NEGR1: variants seen among roughly 807,000 people sequenced by gnomAD.
The protein encoded by NEGR1 is IgLON family member 4.
In NEGR1, 10 loss-of-function variants were observed where a neutral mutation model predicts 40.9. That is an observed-to-expected ratio of 0.24 (90% CI 0.15 to 0.42). The LOEUF (loss-of-function observed/expected upper bound fraction) is 0.42, where lower values mean the gene tolerates loss of function less well. Ranked by LOEUF, NEGR1 falls within the 10% of genes least tolerant of loss-of-function variation. The pLI is 1.00. For missense variants in NEGR1, 352 were observed against 438.9 expected (o/e 0.80, Z 1.77); for synonymous variants, 185 against 166.8 (o/e 1.11, Z -0.84).
chr1:72,081,775 C>A (rs1370331084), intron 1 of NEGR1, among the ~76,000 whole-genome samples: 1 of 152,038 alleles, frequency 6.6e-6, no homozygotes, highest in Admixed American at 6.6e-5. Context: ...CTAAAAGCAG[C>A]TCGCTTGATT....
intron 1 of NEGR1, among the ~76,000 whole-genome samples, chr1:72,064,226 C>A (rs1406781179): frequency 6.6e-6 from 1 of 151,858 alleles, no homozygotes; most frequent in Non-Finnish European, 1.5e-5. Context: ...AATCATATTG[C>A]CTTTCCAGTC....
intron 1 of NEGR1, among the ~76,000 whole-genome samples, chr1:72,159,943 A>G (rs1315376431): frequency 1.3e-5 from 2 of 152,160 alleles, no homozygotes; most frequent in Non-Finnish European, 2.9e-5. Context: ...TGACTCTTTG[A>G]TACAAAAATA....
At chr1:71,561,609 A>C (rs1227677002) in intron 6 of NEGR1, among the ~76,000 whole-genome samples, 1 of 151,732 alleles carries the variant, frequency 6.6e-6, no homozygotes, top group African/African-American at 2.4e-5. Flanking sequence ...TAGTCATCTG[A>C]AATAGAAATG....
chr1:71,486,626 A>C (rs2101378943), intron 6 of NEGR1: 1 of 151,614 alleles, frequency 6.6e-6, no homozygotes, highest in South Asian at 2.1e-4. Context: ...TACTGTTAGA[A>C]AGTTGATTCT....
chr1:71,631,111 G>C (rs1383096489), intron 4 of NEGR1, among the ~76,000 whole-genome samples: 3 of 151,868 alleles, frequency 2.0e-5, no homozygotes, highest in African/African-American at 7.2e-5. Flanking sequence ...AAATATTTGT[G>C]TGGGAATTAA....
chr1:71,971,922 T>C (rs1646260019), intron 1 of NEGR1, among the ~76,000 whole-genome samples: 1 of 152,238 alleles, frequency 6.6e-6, no homozygotes, highest in South Asian at 2.1e-4. Flanking sequence ...GTTGGCTCTA[T>C]ATTCTTAATT....
At chr1:72,109,509 A>T (rs1226469807) in intron 1 of NEGR1, among the ~76,000 whole-genome samples, 4 of 151,656 alleles carry the variant, frequency 2.6e-5, no homozygotes, top group South Asian at 2.1e-4. Flanking sequence ...AACTGATTCT[A>T]TGGTATCTTT....
intron 1 of NEGR1, among the ~76,000 whole-genome samples, chr1:71,965,233 G>C (rs1055354719): frequency 6.6e-6 from 1 of 152,062 alleles, no homozygotes; most frequent in Non-Finnish European, 1.5e-5. Context: ...ATAAAGGTAG[G>C]ACCAAGGCAC....
chr1:72,009,425 GCA>G lies in NEGR1; in HGVS notation c.177-74116_177-74115del, dbSNP rs139496294. ...TTGATTTCATTTAAATCCAAAATTA[GCA>G]CAGTTTCCCCCAACTTGTGTTTTTC... On this transcript the variant is annotated intron_variant, in intron 1 of 6. Coordinates refer to ENST00000357731, the MANE Select transcript of NEGR1 (RefSeq NM_173808.3). Among the ~76,000 whole-genome samples the G allele has an allele frequency of 7.0e-4, 107 of 152,090 alleles. 1 individual carries two copies. In the East Asian group the frequency reaches 0.017, roughly 25 times the overall value.
At chr1:71,776,611 C>G (rs1215955147) in intron 2 of NEGR1, among the ~76,000 whole-genome samples, 2 of 152,060 alleles carry the variant, frequency 1.3e-5, no homozygotes, top group Non-Finnish European at 2.9e-5. Flanking sequence ...TATAATCAAT[C>G]TATTTTATCC....
chr1:72,242,608 CATGAT>C, intron 1 of NEGR1, among the ~76,000 whole-genome samples: 2 of 151,674 alleles, frequency 1.3e-5, no homozygotes, highest in Middle Eastern at 6.8e-3. Context: ...ATAATTTACT[CATGAT>C]ATTATATATA....
intron 2 of NEGR1, among the ~76,000 whole-genome samples, chr1:71,895,822 A>C (rs1660955440): frequency 6.6e-6 from 1 of 152,102 alleles, no homozygotes; most frequent in Non-Finnish European, 1.5e-5. Context: ...TAGAAGTGAA[A>C]CTGCTGAATT....
intron 4 of NEGR1, among the ~76,000 whole-genome samples, chr1:71,669,167 A>G (rs1652334507): frequency 6.6e-6 from 1 of 152,278 alleles, no homozygotes; most frequent in East Asian, 1.9e-4. Flanking sequence ...TTCTTAGCTT[A>G]AAGTCTAATT....
intron 2 of NEGR1, among the ~76,000 whole-genome samples, chr1:71,862,732 G>A (rs1659987195): frequency 6.6e-6 from 1 of 151,738 alleles, no homozygotes; most frequent in African/African-American, 2.4e-5. Flanking sequence ...AGTTTACAAG[G>A]GACTTAAACA....
intron 2 of NEGR1, among the ~76,000 whole-genome samples, chr1:71,815,412 T>C (rs1018112570): frequency 3.3e-5 from 5 of 152,124 alleles, no homozygotes; most frequent in Non-Finnish European, 7.4e-5. Context: ...TCTGTAGATC[T>C]GTATCAGGTC....
At chr1:72,264,498 T>G (rs1180516086) in intron 1 of NEGR1, among the ~76,000 whole-genome samples, 1 of 150,522 alleles carries the variant, frequency 6.6e-6, no homozygotes. Flanking sequence ...TAGCTAGATA[T>G]TCTATATTTA....
chr1:72,248,125 C>A (rs1461965328), intron 1 of NEGR1, among the ~76,000 whole-genome samples: 1 of 152,102 alleles, frequency 6.6e-6, no homozygotes, highest in Non-Finnish European at 1.5e-5. Flanking sequence ...CACCTCTCAC[C>A]AGCCCCACTT....
chr1:72,224,531 C>T (rs1012249277), intron 1 of NEGR1, among the ~76,000 whole-genome samples: 2 of 152,036 alleles, frequency 1.3e-5, no homozygotes, highest in Admixed American at 6.6e-5. Context: ...CTCATAACTT[C>T]CCCATGAGGT....
At chr1:71,704,932 G>A (rs909344598) in intron 3 of NEGR1, among the ~76,000 whole-genome samples, 7 of 151,712 alleles carry the variant, frequency 4.6e-5, no homozygotes, top group African/African-American at 1.7e-4. Flanking sequence ...ACAGTTTATT[G>A]CAAGGTTGAA....
Sources: gnomAD v4.1 joint callset for allele counts (sites outside exome capture counted in the v4.1 genomes callset) on GRCh38, gnomAD v4.1.1 for gene constraint, MANE v1.5 for transcripts, NCBI Gene and HGNC (gene_info 2026-07-23, HGNC 2026-07-21) for gene names.